Variants in SMAP1 observed in about 807,000 individuals in gnomAD.
SMAP1 encodes stromal membrane-associated protein 1.
SMAP1 carries 24 observed loss-of-function variants against 58.5 expected under a neutral mutation model. That is an observed-to-expected ratio of 0.41 (90% confidence interval 0.30 to 0.58). The LOEUF is 0.58. Ranked by LOEUF, SMAP1 falls within the 20% of genes least tolerant of loss-of-function variation. The pLI is 0.29. For missense variants in SMAP1, 563 were observed against 566.3 expected, an observed-to-expected ratio of 0.99 and a Z score of 0.06; for synonymous variants, 216 against 196.6, an observed-to-expected ratio of 1.10 and a Z score of -0.82.
intron 1 of SMAP1, among the ~76,000 whole-genome samples, chr6:70,681,274 T>TA (rs957307807): frequency 1.7e-4 from 26 of 149,790 alleles, no homozygotes; most frequent in East Asian, 5.9e-4. Flanking sequence ...AAAATAAAAT[T>TA]AAAAAAAAAT....
chr6:70,725,092 T>G (rs1379322235), intron 1 of SMAP1, among the ~76,000 whole-genome samples: 2 of 94,526 alleles, frequency 2.1e-5, no homozygotes, highest in Non-Finnish European at 4.1e-5. Context: ...AATTAACCAG[T>G]GTTTTTTTTT....
intron 1 of SMAP1, among the ~76,000 whole-genome samples, chr6:70,706,956 G>A (rs1767866125): frequency 6.6e-6 from 1 of 152,182 alleles, no homozygotes. Flanking sequence ...AATGATGTTA[G>A]AATAAAATTT....
At chr6:70,712,571 T>A (rs989061806) in intron 1 of SMAP1, among the ~76,000 whole-genome samples, 4 of 152,174 alleles carry the variant, frequency 2.6e-5, no homozygotes, top group Non-Finnish European at 5.9e-5. Context: ...TGGTCCTGGA[T>A]TTTTCTTTGT....
At chr6:70,745,912 A>G (rs1307655640) in intron 2 of SMAP1, among the ~76,000 whole-genome samples, 1 of 152,116 alleles carries the variant, frequency 6.6e-6, no homozygotes, top group Non-Finnish European at 1.5e-5. Context: ...TTGGATTCCC[A>G]GGTATTTTAT....
intron 1 of SMAP1, among the ~76,000 whole-genome samples, chr6:70,696,352 GTCT>G (rs1220826442): frequency 2.0e-5 from 3 of 151,910 alleles, no homozygotes; most frequent in African/African-American, 4.8e-5. Context: ...CTTATTTGAA[GTCT>G]TCTGCTTTTT....
chr6:70,854,529 G>C (rs1461253115), intron 8 of SMAP1, among the ~76,000 whole-genome samples: 1 of 152,098 alleles, frequency 6.6e-6, no homozygotes, highest in African/African-American at 2.4e-5. Flanking sequence ...GGCTGAGGCA[G>C]GAGAATTGCT....
intron 4 of SMAP1, among the ~76,000 whole-genome samples, chr6:70,789,130 C>T (rs943158405): frequency 1.3e-5 from 2 of 151,944 alleles, no homozygotes; most frequent in Non-Finnish European, 2.9e-5. Flanking sequence ...TTTCTTTATT[C>T]GTTGCTCACA....
At chr6:70,814,048 T>C (rs1230509436) in intron 6 of SMAP1, among the ~76,000 whole-genome samples, 1 of 152,120 alleles carries the variant, frequency 6.6e-6, no homozygotes, top group African/African-American at 2.4e-5. Context: ...GAGGCATCCA[T>C]GTTCTATTTT....
At chr6:70,769,237 G>T (rs922955692) in intron 3 of SMAP1, among the ~76,000 whole-genome samples, 8 of 152,142 alleles carry the variant, frequency 5.3e-5, no homozygotes, top group African/African-American at 1.9e-4. Context: ...GTTGATCTGG[G>T]GTGGAGAGTT....
chr6:70,687,638 G>A (rs1045075156), intron 1 of SMAP1, among the ~76,000 whole-genome samples: 5 of 152,102 alleles, frequency 3.3e-5, no homozygotes, highest in Non-Finnish European at 4.4e-5. Context: ...ACTATAATGT[G>A]TGAATCACAG....
chr6:70,813,438 A>G (rs1769476347), intron 6 of SMAP1, among the ~76,000 whole-genome samples: 1 of 152,314 alleles, frequency 6.6e-6, no homozygotes, highest in Admixed American at 6.5e-5. Context: ...ATGAATAAAT[A>G]TAATTCTGTT....
At chr6:70,811,573 G>GACACACAC (rs139108005) in intron 6 of SMAP1, among the ~76,000 whole-genome samples, 69 of 150,408 alleles carry the variant, frequency 4.6e-4, no homozygotes, top group African/African-American at 1.4e-3. Context: ...CACCCCTGCT[G>GACACACAC]ACACACACAC....
At chr6:70,827,064 C>A (rs544810257) in intron 6 of SMAP1, among the ~76,000 whole-genome samples, 2 of 151,424 alleles carry the variant, frequency 1.3e-5, no homozygotes, top group African/African-American at 4.9e-5. Flanking sequence ...GACAGGTGGG[C>A]CTGATGATCA....
rs1015300838 is a variant in SMAP1 at position 70,804,106 on chromosome 6, T to G, written c.576+5369T>G. On this transcript the variant is annotated intron_variant, in intron 6 of 10. Transcript: ENST00000370455. ...AGTGGGGTGTTAAAGTCTCCCATTA[T>G]TGTTTTGTGAGAGCCTAAGTCTCTT... 6.6e-5 allele frequency among the ~76,000 whole-genome samples: 10 copies of G among 152,284 alleles called. No homozygotes were observed. In the South Asian group the frequency reaches 8.3e-4, roughly 13 times the overall value.
chr6:70,789,446 C>A (rs1050162694), intron 4 of SMAP1, among the ~76,000 whole-genome samples: 2 of 151,618 alleles, frequency 1.3e-5, no homozygotes, highest in African/African-American at 4.8e-5. Context: ...CACTGTGTAC[C>A]CTTTTGCGTC....
At chr6:70,810,026 A>C (rs1361250111) in intron 6 of SMAP1, among the ~76,000 whole-genome samples, 1 of 152,170 alleles carries the variant, frequency 6.6e-6, no homozygotes, top group Non-Finnish European at 1.5e-5. Flanking sequence ...AAAAGAAAAA[A>C]TCTTTTTCCT....
chr6:70,699,687 G>A (rs1178830262), intron 1 of SMAP1, among the ~76,000 whole-genome samples: 1 of 152,048 alleles, frequency 6.6e-6, no homozygotes, highest in Non-Finnish European at 1.5e-5. Flanking sequence ...CACTGCCCAA[G>A]GCCTGTGGTG....
At chr6:70,753,197 C>A (rs1041091403) in intron 2 of SMAP1, among the ~76,000 whole-genome samples, 3 of 152,040 alleles carry the variant, frequency 2.0e-5, no homozygotes, top group Non-Finnish European at 4.4e-5. Flanking sequence ...TAGACACCAT[C>A]AATTGTGAGA....
intron 3 of SMAP1, among the ~76,000 whole-genome samples, chr6:70,757,608 G>T (rs1022256916): frequency 6.6e-6 from 1 of 151,480 alleles, no homozygotes; most frequent in Non-Finnish European, 1.5e-5. Flanking sequence ...GAAAATTTTC[G>T]CAACCTACTC....
Sources: gnomAD v4.1 joint callset for allele counts (sites outside exome capture counted in the v4.1 genomes callset) on GRCh38, gnomAD v4.1.1 for gene constraint, MANE v1.5 for transcripts, NCBI Gene and HGNC (gene_info 2026-07-23, HGNC 2026-07-21) for gene names.